SPINK1: variants seen among roughly 807,000 people sequenced by gnomAD.
SPINK1 encodes the protein serine peptidase inhibitor Kazal type 1.
In SPINK1, 5 loss-of-function variants were observed where a neutral mutation model predicts 9.5. The observed-to-expected ratio is 0.52, with a 90% CI of 0.27 to 1.10. SPINK1 has a LOEUF of 1.10. Among genes scored for constraint, SPINK1 ranks in the 50% least tolerant of loss-of-function variants. The pLI is 0.11. For synonymous variants in SPINK1, 37 were observed against 32.3 expected, an observed-to-expected ratio of 1.14 and a Z score of -0.49; for missense variants, 88 against 92.7, an observed-to-expected ratio of 0.95 and a Z score of 0.21.
At position 147,828,048 on chromosome 5, in the gene SPINK1, A is replaced by T. The variant is rs1756441667; in HGVS notation, c.168T>A (p.Asn56Lys). 6.2e-7 allele frequency: 1 copy of T among 1,613,496 alleles called. No homozygotes were observed. The highest frequency in any genetic ancestry group is 8.5e-7 in the Non-Finnish European group (1 of 1,179,794). ...VCGTDGNTYPNECVLCFENRK... is the reference protein window; with the variant it reads ...VCGTDGNTYPKECVLCFENRK... ...GATTTTCAAAACATAACACGCATTC[A>T]TTGGGATAAGTATTTCCATCAGTCC... The change falls in exon 3 of 4, where the codon AAT becomes AAA. Residue 56 changes from asparagine to lysine, a missense_variant. By Grantham distance (94) the Asn-to-Lys change is moderately conservative. Coordinates refer to ENST00000296695, the MANE Select transcript of SPINK1 (RefSeq NM_001379610.1).
upstream of SPINK1, among the ~76,000 whole-genome samples, chr5:147,835,609 T>C (rs999469408): frequency 3.9e-5 from 6 of 152,102 alleles, no homozygotes; most frequent in African/African-American, 1.2e-4. Context: ...CCTACTCCCC[T>C]CTGATTCAAG....
chr5:147,833,408 T>C (rs1178314168), upstream of SPINK1, among the ~76,000 whole-genome samples: 4 of 152,182 alleles, frequency 2.6e-5, no homozygotes, highest in Non-Finnish European at 5.9e-5. Flanking sequence ...ATATGTTCCA[T>C]ACTACTATTT....
At chr5:147,824,826 A>T in intron 3 of SPINK1, 120 bp from the exon 4 acceptor site, 1 of 868,354 alleles carries the variant, frequency 1.2e-6, no homozygotes, top group Non-Finnish European at 1.8e-6. Context: ...TTTGAGATTT[A>T]TAATCTTTTC....
intron 3 of SPINK1, 44 bp downstream of exon 3, chr5:147,827,978 A>G: frequency 6.9e-7 from 1 of 1,441,868 alleles, no homozygotes; most frequent in Non-Finnish European, 9.6e-7. Context: ...GAAGATAACT[A>G]ACTTAAAATA....
chr5:147,829,451 C>T (rs2127135696), intron 2 of SPINK1, 148 bp downstream of exon 2: 1 of 731,644 alleles, frequency 1.4e-6, no homozygotes, highest in Admixed American at 2.1e-5. Context: ...GGAACTACTA[C>T]TACCATTTGC....
upstream of SPINK1, among the ~76,000 whole-genome samples, chr5:147,836,460 C>T (rs34216291): frequency 0.17 from 25,102 of 151,942 alleles, 2,233 homozygotes; most frequent in African/African-American, 0.24. Context: ...GTCTCTGTTA[C>T]AGCACTTTAA....
chr5:147,833,644 C>A (rs1323670414), upstream of SPINK1, among the ~76,000 whole-genome samples: 1 of 152,170 alleles, frequency 6.6e-6, no homozygotes, highest in Non-Finnish European at 1.5e-5. Flanking sequence ...ATATCTAAGA[C>A]AATGCCATCC....
rs548337275 is a variant in SPINK1, at chr5:147,831,017, C to T, written c.55+506G>A. Among the ~76,000 whole-genome samples, 31 of 152,232 alleles carry T rather than the reference C, an allele frequency of 2.0e-4. No homozygotes were observed. In the South Asian group the frequency reaches 5.4e-3, roughly 26 times the overall value. On this transcript the variant is annotated intron_variant, in intron 1 of 3. Transcript: ENST00000296695. ...AAAATAAAAAATTCCCTTTATATCA[C>T]ATATATTAGCTATTCAGGGATAAAT...
At chr5:147,833,069 T>A (rs114611040), upstream of SPINK1, among the ~76,000 whole-genome samples, 1,163 of 152,282 alleles carry the variant, frequency 7.6e-3, 13 homozygotes, top group African/African-American at 0.026. Context: ...AAGGTCTTGC[T>A]TTTCAGGTGA....
chr5:147,831,461 T>C, intron 1 of SPINK1, 62 bp downstream of exon 1: 1 of 1,600,880 alleles, frequency 6.2e-7, no homozygotes, highest in Admixed American at 1.7e-5. Flanking sequence ...GAAGATAATG[T>C]GCTTCACAAA....
At chr5:147,831,026 G>C (rs1480516339) in intron 1 of SPINK1, among the ~76,000 whole-genome samples, 4 of 152,044 alleles carry the variant, frequency 2.6e-5, no homozygotes, top group Admixed American at 2.6e-4. Context: ...ACATATATTA[G>C]CTATTCAGGG....
chr5:147,828,199 A>C, intron 2 of SPINK1, 71 bp from the exon 3 acceptor site: 1 of 1,179,244 alleles, frequency 8.5e-7, no homozygotes, highest in Non-Finnish European at 1.2e-6. Context: ...AATCTCTGAA[A>C]TGGTTTTATT....
upstream of SPINK1, among the ~76,000 whole-genome samples, chr5:147,834,048 T>C (rs80298935): frequency 0.055 from 8,335 of 152,208 alleles, 393 homozygotes; most frequent in South Asian, 0.16. Context: ...TTTCTGCATC[T>C]AGATTATTCC....
intron 2 of SPINK1, among the ~76,000 whole-genome samples, 169 bp downstream of exon 2, chr5:147,829,430 G>A (rs546354335): frequency 5.3e-5 from 8 of 152,228 alleles, no homozygotes; most frequent in East Asian, 1.9e-4. Context: ...TTCAATATAC[G>A]CCTGTGGGTT....
intron 1 of SPINK1, among the ~76,000 whole-genome samples, chr5:147,831,283 C>T (rs989087634): frequency 1.3e-5 from 2 of 152,184 alleles, no homozygotes; most frequent in African/African-American, 4.8e-5. Context: ...GGGTCAGCCA[C>T]ATCAATAGAG....
intron 3 of SPINK1, chr5:147,826,994 T>A (rs1410507504): frequency 6.6e-6 from 1 of 152,218 alleles, no homozygotes; most frequent in Admixed American, 6.5e-5. Flanking sequence ...TTTGCTTTGT[T>A]CATTCCACAC....
At chr5:147,831,893 C>G (rs1756516185), upstream of SPINK1, 4 of 1,100,630 alleles carry the variant, frequency 3.6e-6, no homozygotes, top group East Asian at 1.7e-4. Flanking sequence ...GAAAGTCATT[C>G]CCTTCTCAAG....
chr5:147,838,540 T>C, the SPINK1 span, among the ~76,000 whole-genome samples: 1 of 152,236 alleles, frequency 6.6e-6, no homozygotes, highest in African/African-American at 2.4e-5. Flanking sequence ...AGATGTGTTG[T>C]ATATGTCTCC....
upstream of SPINK1, among the ~76,000 whole-genome samples, chr5:147,832,629 C>T (rs966875466): frequency 1.3e-5 from 2 of 152,124 alleles, no homozygotes; most frequent in Admixed American, 6.5e-5. Flanking sequence ...CTGTACTTTC[C>T]CTGCAACTAT....
Sources: allele counts gnomAD v4.1 joint callset (sites outside exome capture counted in the v4.1 genomes callset), GRCh38; gene constraint gnomAD v4.1.1; transcripts MANE v1.5; gene names NCBI Gene and HGNC (gene_info 2026-07-23, HGNC 2026-07-21).